Variants in TMEM208 observed in about 807,000 individuals in gnomAD.
TMEM208 encodes transmembrane protein 208, also known as SRP-independent targeting 2 homolog.
A neutral mutation model predicts 26.4 loss-of-function variants in TMEM208; 19 were observed. That is an observed-to-expected ratio of 0.72 (90% CI 0.50 to 1.06). The LOEUF (loss-of-function observed/expected upper bound fraction) is 1.06. TMEM208 is among the 50% of genes least tolerant of loss of function. TMEM208 has a pLI of 0.00. For missense variants in TMEM208, 183 were observed against 219.8 expected, an observed-to-expected ratio of 0.83 and a Z score of 1.06; for synonymous variants, 93 against 83.1, an observed-to-expected ratio of 1.12 and a Z score of -0.65.
chr16:67,227,268 CCAG>C, intron 1 of TMEM208, 44 bp downstream of exon 1: 2 of 1,600,352 alleles, frequency 1.2e-6, no homozygotes, highest in Non-Finnish European at 1.7e-6. Context: ...GCAAAGCTCT[CCAG>C]GGGCTGTGAG....
In TMEM208 at chr16:67,227,943, C is replaced by A. The variant is rs185816739; in HGVS notation, c.102+12C>A. On this transcript the variant is annotated intron_variant, in intron 2 of 5. Coordinates refer to ENST00000304800, the MANE Select transcript of TMEM208 (RefSeq NM_014187.4). ...TACTGGGGGCCAATGTAAGTGCCTA[C>A]CTCCTTGCTTCTATGCCCACTTATA... is the stretch of plus-strand genomic sequence containing the variant. 8.8e-6 allele frequency: 14 copies of A among 1,595,414 alleles called. No homozygotes were observed. The Admixed American group carries it at 1.7e-4, about 20-fold the overall frequency.
rs767408229 is a variant in TMEM208, at chr16:67,229,089, G to A, written c.498G>A (p.Glu166=). ...ATGAGAAACGGCAGCGCCGACAGGA[G>A]CGGCGGCAGATGAAGCGGTTATAGC... ...EHNEKRQRRQ[E]RRQMKRL Residue 166 remains glutamate (E), a synonymous_variant, in exon 6 of 6, where the codon GAG becomes GAA. Coordinates refer to ENST00000304800, the MANE Select transcript of TMEM208 (RefSeq NM_014187.4). 5 of 1,611,532 alleles carry A rather than the reference G, an allele frequency of 3.1e-6. No homozygotes were observed. Among genetic ancestry groups the A allele is most frequent in the Middle Eastern group, 1.7e-4 (1 of 6,040 alleles).
At chr16:67,228,179 G>C in intron 2 of TMEM208, 176 bp from the exon 3 acceptor site, 1 of 733,024 alleles carries the variant, frequency 1.4e-6, no homozygotes. Flanking sequence ...CCTGGGCTGA[G>C]TTGGGTGTCA....
At position 67,228,457 on chromosome 16, in the gene TMEM208, A is replaced by G. The variant is rs772834052; in HGVS notation, c.163-38A>G. The G allele has an allele frequency of 5.6e-6, 9 of 1,613,852 alleles. No homozygotes were observed. The East Asian group carries it at 1.3e-4, about 24-fold the overall frequency. On this transcript the variant is annotated intron_variant, in intron 3 of 5. Transcript: ENST00000304800. ...GGGAGGTGGATGAGTGCGTAGGGTC[A>G]GTGGCTGGCCTTTGATACCCTCATT...
At chr16:67,227,789 TGAG>T (rs1425918159) in intron 1 of TMEM208, 44 bp from the exon 2 acceptor site, 11 of 1,473,172 alleles carry the variant, frequency 7.5e-6, no homozygotes, top group East Asian at 2.4e-5. Flanking sequence ...GTGGGGAGAA[TGAG>T]GAGGACCGTG....
chr16:67,228,043 T>A, intron 2 of TMEM208, 112 bp downstream of exon 2: 1 of 838,452 alleles, frequency 1.2e-6, no homozygotes, highest in Non-Finnish European at 1.8e-6. Flanking sequence ...AGAGCTCCAG[T>A]CAAAAAGAAA....
At chr16:67,228,208 G>A (rs752295004) in intron 2 of TMEM208, 147 bp from the exon 3 acceptor site, 5 of 884,730 alleles carry the variant, frequency 5.7e-6, no homozygotes, top group Non-Finnish European at 9.1e-6. Flanking sequence ...TGGGTATTTG[G>A]GATTCAGGGA....
chr16:67,227,683 C>T (rs903413182), intron 1 of TMEM208, 153 bp from the exon 2 acceptor site: 12 of 628,642 alleles, frequency 1.9e-5, no homozygotes, highest in African/African-American at 7.4e-5. Flanking sequence ...GCAGAATGGA[C>T]TGGAGGATGG....
chr16:67,228,698 C>T (rs2034122954), intron 4 of TMEM208, 67 bp downstream of exon 4: 2 of 1,544,136 alleles, frequency 1.3e-6, no homozygotes, highest in Non-Finnish European at 1.7e-6. Flanking sequence ...GCCCAAGAAG[C>T]ACAGCTACTT....
chr16:67,228,095 C>G, intron 2 of TMEM208, 164 bp downstream of exon 2: 1 of 663,938 alleles, frequency 1.5e-6, no homozygotes, highest in Non-Finnish European at 2.6e-6. Context: ...TAGTAAAACA[C>G]AAAGAAAATG....
chr16:67,227,856 G>A lies in TMEM208; in HGVS notation c.27G>A (p.Thr9=), dbSNP rs758068205. ...TGCAGCCCAAGGGCAAAGTGGGCACGAGAGGGAAGAAGCAGATATTTGAAG... is the reference window on the plus strand; with the variant it reads ...TGCAGCCCAAGGGCAAAGTGGGCACAAGAGGGAAGAAGCAGATATTTGAAG... MAPKGKVG[T]RGKKQIFEEN... The change falls in exon 2 of 6, where the codon ACG becomes ACA. Residue 9 remains threonine (T), a synonymous_variant. Coordinates refer to ENST00000304800, the MANE Select transcript of TMEM208 (RefSeq NM_014187.4). 1.2e-6 allele frequency: 2 copies of A among 1,610,170 alleles called. No homozygotes were observed. The highest frequency in any genetic ancestry group is 1.7e-5 in the Admixed American group (1 of 59,504).
intron 1 of TMEM208, 59 bp downstream of exon 1, chr16:67,227,283 G>A (rs2034057460): frequency 8.8e-6 from 14 of 1,585,152 alleles, no homozygotes; most frequent in Non-Finnish European, 1.1e-5. Flanking sequence ...GGCTGTGAGA[G>A]TGAAAACTGA....
Position 67,227,130 on chromosome 16 carries a change from G to A in TMEM208, c.-89G>A. 1.9e-6 allele frequency: 3 copies of A among 1,580,104 alleles called. No homozygotes were observed. Among genetic ancestry groups the A allele is most frequent in the Non-Finnish European group, 2.6e-6 (3 of 1,152,386 alleles). On this transcript the variant is annotated 5_prime_UTR_variant, in exon 1 of 6. Transcript: ENST00000304800. ...AAAGCTGACGACTTCGGTCTGCGCC[G>A]GAAGTGCATGAGCTGCCGATGTGGT...
At chr16:67,228,761 C>T (rs774610031) in intron 4 of TMEM208, 36 bp from the exon 5 acceptor site, 3 of 1,597,506 alleles carry the variant, frequency 1.9e-6, no homozygotes, top group African/African-American at 2.7e-5. Flanking sequence ...TGGAAGGGCC[C>T]ATATGCTGTC....
At chr16:67,227,534 C>T in intron 1 of TMEM208, 1 of 560,130 alleles carries the variant, frequency 1.8e-6, no homozygotes, top group Non-Finnish European at 3.1e-6. Context: ...CTCAGGAGTA[C>T]CCTTGGAAGA....
intron 3 of TMEM208, 37 bp from the exon 4 acceptor site, chr16:67,228,458 G>C: frequency 6.2e-7 from 1 of 1,613,986 alleles, no homozygotes; most frequent in South Asian, 1.1e-5. Flanking sequence ...CGTAGGGTCA[G>C]TGGCTGGCCT....
Position 67,228,425 on chromosome 16 carries a change from C to G in TMEM208, c.162+11C>G. The stretch of plus-strand genomic sequence containing the variant: ...TCATTTTGGGCCTGGGTAAGTATCT[C>G]CATCCTGGGAGGTGGATGAGTGCGT... On this transcript the variant is annotated intron_variant, in intron 3 of 5. Coordinates refer to ENST00000304800, the MANE Select transcript of TMEM208 (RefSeq NM_014187.4). 1 of 1,613,986 alleles carries G rather than the reference C, an allele frequency of 6.2e-7. No homozygotes were observed. The highest frequency in any genetic ancestry group is 8.5e-7 in the Non-Finnish European group (1 of 1,179,886).
rs1278758921 is a variant in TMEM208 at position 67,228,959 on chromosome 16, T to G, written c.385-17T>G. The G allele has an allele frequency of 1.9e-6, 3 of 1,609,008 alleles. No individual in the cohort carries two copies. In the South Asian group the frequency reaches 3.3e-5, roughly 18 times the overall value. ...TTATTCCCTGCATCTTGCTTCAAGT[T>G]ACCGTTTCTCTTGTAGGCTCCAGGC... On this transcript the variant is annotated splice_polypyrimidine_tract_variant and intron_variant, in intron 5 of 5. Transcript: ENST00000304800.
chr16:67,228,759 C>T (rs1429858049), intron 4 of TMEM208, 38 bp from the exon 5 acceptor site: 1 of 1,595,808 alleles, frequency 6.3e-7, no homozygotes, highest in Non-Finnish European at 8.5e-7. Context: ...GGTGGAAGGG[C>T]CCATATGCTG....
Sources: gnomAD v4.1 joint callset for allele counts on GRCh38, gnomAD v4.1.1 for gene constraint, MANE v1.5 for transcripts, NCBI Gene and HGNC (gene_info 2026-07-23, HGNC 2026-07-21) for gene names.